The following LRRC7 variants were observed in gnomAD, a reference collection of about 807,000 sequenced individuals.
LRRC7 encodes the protein leucine rich repeat containing 7.
LRRC7 carries 23 observed loss-of-function variants against 175.7 expected under a neutral mutation model. The ratio of observed to expected loss-of-function variants is 0.13; its 90% CI spans 0.09 to 0.19. The LOEUF (loss-of-function observed/expected upper bound fraction) is 0.19. Ranked by LOEUF, LRRC7 falls within the 10% of genes least tolerant of loss-of-function variation. The probability of loss-of-function intolerance (pLI) is 1.00; values close to 1 mark genes in which losing one functional copy is unlikely to be tolerated. For missense variants in LRRC7, 1,354 were observed against 1,904.7 expected (o/e 0.71, Z 5.38); for synonymous variants, 685 against 680.9 (o/e 1.01, Z -0.09).
intron 1 of LRRC7, among the ~76,000 whole-genome samples, chr1:69,667,859 G>A (rs1020255098): frequency 6.6e-6 from 1 of 151,940 alleles, no homozygotes; most frequent in African/African-American, 2.4e-5. Context: ...TTGTTTTCTG[G>A]TTGTTTTGTC....
intron 2 of LRRC7, among the ~76,000 whole-genome samples, chr1:69,718,150 A>AAGAAAGAAAGAAAGAAAGAAAGAAAGAG (rs1557643559): frequency 6.7e-6 from 1 of 148,186 alleles, no homozygotes; most frequent in African/African-American, 2.5e-5. Context: ...GAGAGAAAGA[A>AAGAAAGAAAGAAAGAAAGAAAGAAAGAG]AGAAAGAAAG....
intron 7 of LRRC7, chr1:69,873,404 T>C: frequency 1.9e-6 from 1 of 533,106 alleles, no homozygotes; most frequent in African/African-American, 1.9e-5. Flanking sequence ...GTAATTATTT[T>C]AGTCACCTTC....
chr1:69,744,415 C>A (rs1669043017), intron 2 of LRRC7, among the ~76,000 whole-genome samples: 1 of 151,824 alleles, frequency 6.6e-6, no homozygotes, highest in Non-Finnish European at 1.5e-5. Flanking sequence ...CAGAGACAGT[C>A]TAGGAAAATA....
At chr1:70,018,116 T>A (rs1657122773) in intron 14 of LRRC7, among the ~76,000 whole-genome samples, 2 of 152,070 alleles carry the variant, frequency 1.3e-5, no homozygotes, top group African/African-American at 4.8e-5. Context: ...TGACATGGAC[T>A]ATCAGAGTTC....
intron 1 of LRRC7, among the ~76,000 whole-genome samples, chr1:69,606,640 G>T (rs1465925314): frequency 1.3e-5 from 2 of 152,002 alleles, no homozygotes; most frequent in African/African-American, 4.8e-5. Context: ...AATAAACCTA[G>T]ATTTATTAAA....
chr1:69,899,967 C>T (rs1377618216), intron 7 of LRRC7, among the ~76,000 whole-genome samples: 1 of 152,156 alleles, frequency 6.6e-6, no homozygotes, highest in Non-Finnish European at 1.5e-5. Context: ...TACAGCAGCA[C>T]AAACAGACTA....
Position 69,575,868 on chromosome 1 carries a change from A to G in LRRC7, c.2+7227A>G, listed in dbSNP as rs546417789. On this transcript the variant is annotated intron_variant, in intron 1 of 26. Coordinates refer to ENST00000651989, the MANE Select transcript of LRRC7 (RefSeq NM_001370785.2). ...TATTACTTCAAATATGAATTAGGAA[A>G]CCATTCTAATCAGGAAAATAAAATA... Among the ~76,000 whole-genome samples, 5 of 152,286 alleles carry G rather than the reference A, an allele frequency of 3.3e-5. No homozygotes were observed. The East Asian group carries it at 9.6e-4, about 29-fold the overall frequency.
At chr1:69,939,241 G>A (rs1264153950) in intron 8 of LRRC7, among the ~76,000 whole-genome samples, 3 of 151,658 alleles carry the variant, frequency 2.0e-5, no homozygotes, top group Non-Finnish European at 4.4e-5. Flanking sequence ...AGAACTGAAG[G>A]AGCAAAGGGG....
At position 70,027,189 on chromosome 1, in the gene LRRC7, GA is replaced by G. The variant is rs1363911079; in HGVS notation, c.1795-981del. On this transcript the variant is annotated intron_variant, in intron 17 of 26. Transcript: ENST00000651989. ...CATTTTGTAAAGTTGATTCTACTCA[GA>G]TGCAAAACAGTATTGTTGGAACAAG... is the stretch of plus-strand genomic sequence containing the variant. 2.0e-5 allele frequency among the ~76,000 whole-genome samples: 3 copies of G among 151,954 alleles called. No individual in the cohort carries two copies. The East Asian group carries it at 5.8e-4, about 29-fold the overall frequency.
At chr1:70,058,172 G>C (rs1346439198) in intron 23 of LRRC7, among the ~76,000 whole-genome samples, 1 of 152,034 alleles carries the variant, frequency 6.6e-6, no homozygotes, top group East Asian at 1.9e-4. Context: ...ACCACGCCTG[G>C]CTAATTTTTG....
intron 2 of LRRC7, among the ~76,000 whole-genome samples, chr1:69,718,128 A>AAGAGAGAGAGAG (rs1347214418): frequency 8.8e-5 from 6 of 67,798 alleles, no homozygotes; most frequent in Admixed American, 1.5e-4. Flanking sequence ...AAAGAAAGAA[A>AAGAGAGAGAGAG]AGAAAGAAAG....
intron 7 of LRRC7, among the ~76,000 whole-genome samples, chr1:69,878,061 G>C (rs754517629): frequency 3.9e-5 from 6 of 152,102 alleles, no homozygotes; most frequent in Non-Finnish European, 7.4e-5. Flanking sequence ...TTATGTGAAA[G>C]TAGAAGAAAA....
In LRRC7 at chr1:69,981,309, T is replaced by G. The variant is rs1331068463; in HGVS notation, c.786+856T>G. Among the ~76,000 whole-genome samples, 3 of 152,162 alleles carry G rather than the reference T, an allele frequency of 2.0e-5. No homozygotes were observed. The East Asian group carries it at 5.8e-4, about 29-fold the overall frequency. On this transcript the variant is annotated intron_variant, in intron 9 of 26. Transcript: ENST00000651989. ...TTTTATTTCTTTTTTGAATTGACAT[T>G]AAAAATTACTTAAGATGACAGCAAA...
chr1:69,934,874 C>T (rs773473100), intron 8 of LRRC7, among the ~76,000 whole-genome samples: 2 of 152,120 alleles, frequency 1.3e-5, no homozygotes, highest in Non-Finnish European at 2.9e-5. Context: ...CCTCTCTCCT[C>T]CCCTCCCTGT....
At chr1:69,879,970 A>G (rs1686436140) in intron 7 of LRRC7, 1 of 152,154 alleles carries the variant, frequency 6.6e-6, no homozygotes, top group Non-Finnish European at 1.5e-5. Flanking sequence ...ACAAGGAGCT[A>G]TTTTACCACC....
chr1:69,811,882 C>T (rs535147762), intron 4 of LRRC7, among the ~76,000 whole-genome samples: 2 of 152,120 alleles, frequency 1.3e-5, no homozygotes, highest in Non-Finnish European at 2.9e-5. Flanking sequence ...AACAAACCTG[C>T]ACATTCTGTG....
chr1:69,914,301 TA>T (rs1646622876), intron 7 of LRRC7, among the ~76,000 whole-genome samples: 1 of 152,296 alleles, frequency 6.6e-6, no homozygotes, highest in South Asian at 2.1e-4. Flanking sequence ...TTTAAATGGA[TA>T]AAACCTCTGA....
chr1:69,617,293 T>C (rs1327904577), intron 1 of LRRC7, among the ~76,000 whole-genome samples: 1 of 151,954 alleles, frequency 6.6e-6, no homozygotes, highest in Non-Finnish European at 1.5e-5. Flanking sequence ...TCGAGTCAAA[T>C]GCAAATATGT....
chr1:69,780,014 T>C (rs1214619615), intron 3 of LRRC7, among the ~76,000 whole-genome samples: 2 of 152,208 alleles, frequency 1.3e-5, no homozygotes, highest in East Asian at 3.9e-4. Flanking sequence ...CTCTTAGCTG[T>C]GTCACTCTGC....
Sources: gnomAD v4.1 joint callset for allele counts (sites outside exome capture counted in the v4.1 genomes callset) on GRCh38, gnomAD v4.1.1 for gene constraint, MANE v1.5 for transcripts, NCBI Gene and HGNC (gene_info 2026-07-23, HGNC 2026-07-21) for gene names.